The following COL5A1 variants were observed in gnomAD, a reference collection of about 807,000 sequenced individuals.
COL5A1 encodes the protein collagen alpha-1(V) chain.
A neutral mutation model predicts 263.7 loss-of-function variants in COL5A1; 16 were observed. That is an observed-to-expected ratio of 0.06 (90% CI 0.04 to 0.09). The LOEUF (loss-of-function observed/expected upper bound fraction) is 0.09. Ranked by LOEUF, COL5A1 falls within the 10% of genes least tolerant of loss-of-function variation. The probability of loss-of-function intolerance (pLI) is 1.00; values close to 1 mark genes in which losing one functional copy is unlikely to be tolerated. For missense variants in COL5A1, 2,036 were observed against 2,540.5 expected (o/e 0.80, Z 4.27); for synonymous variants, 1,012 against 1,004.5 (o/e 1.01, Z -0.14).
intron 1 of COL5A1, among the ~76,000 whole-genome samples, chr9:134,668,987 C>CCATA (rs1163379911): frequency 7.2e-6 from 1 of 139,084 alleles, no homozygotes; most frequent in Non-Finnish European, 1.5e-5. Flanking sequence ...ATCCATCCAT[C>CCATA]CACCCACCCA....
intron 1 of COL5A1, among the ~76,000 whole-genome samples, chr9:134,658,487 T>G (rs1390699691): frequency 6.6e-6 from 1 of 152,142 alleles, no homozygotes; most frequent in Non-Finnish European, 1.5e-5. Context: ...GCTGGGCCTG[T>G]CCTTGCACGC....
intron 2 of COL5A1, among the ~76,000 whole-genome samples, chr9:134,693,943 C>T (rs138750551): frequency 1.1e-3 from 172 of 152,278 alleles, no homozygotes; most frequent in Middle Eastern, 6.8e-3. Flanking sequence ...TGCCCTGTCT[C>T]GGGGAGCAGC....
intron 2 of COL5A1, among the ~76,000 whole-genome samples, chr9:134,693,430 T>G (rs1341045340): frequency 1.3e-5 from 2 of 152,166 alleles, no homozygotes; most frequent in African/African-American, 4.8e-5. Flanking sequence ...TTTTCCAAAG[T>G]GCTTCACTTG....
At chr9:134,703,139 C>T (rs982994237) in intron 4 of COL5A1, among the ~76,000 whole-genome samples, 2 of 152,210 alleles carry the variant, frequency 1.3e-5, no homozygotes, top group Admixed American at 6.5e-5. Context: ...GCTGAACGTG[C>T]AGTTGGCTCT....
At chr9:134,762,523 C>T (rs1836493360) in intron 19 of COL5A1, among the ~76,000 whole-genome samples, 1 of 152,174 alleles carries the variant, frequency 6.6e-6, no homozygotes, top group Non-Finnish European at 1.5e-5. Context: ...GGTCTGGTAT[C>T]TGCCACGCCG....
At chr9:134,739,139 C>T (rs1353352004) in intron 11 of COL5A1, among the ~76,000 whole-genome samples, 2 of 152,232 alleles carry the variant, frequency 1.3e-5, no homozygotes, top group Non-Finnish European at 2.9e-5. Context: ...TCCCACTCCT[C>T]GCCCCTGGGC....
At chr9:134,834,611 CTG>C (rs1273325213) in intron 64 of COL5A1, among the ~76,000 whole-genome samples, 1 of 152,204 alleles carries the variant, frequency 6.6e-6, no homozygotes, top group African/African-American at 2.4e-5. Flanking sequence ...AAGACAGACA[CTG>C]TGACAAACTA....
intron 17 of COL5A1, among the ~76,000 whole-genome samples, 178 bp downstream of exon 17, chr9:134,756,996 A>C (rs1421819430): frequency 6.6e-6 from 1 of 152,132 alleles, no homozygotes; most frequent in African/African-American, 2.4e-5. Flanking sequence ...CAAGCGTGAC[A>C]GTTGCAGTTC....
At chr9:134,835,356 A>C in intron 65 of COL5A1, 152 bp downstream of exon 65, 2 of 686,492 alleles carry the variant, frequency 2.9e-6, no homozygotes, top group Non-Finnish European at 5.0e-6. Flanking sequence ...CCACAGTTGC[A>C]GGGAGACTAG....
chr9:134,776,530 G>T (rs1837057394), intron 27 of COL5A1, among the ~76,000 whole-genome samples: 1 of 152,214 alleles, frequency 6.6e-6, no homozygotes, highest in South Asian at 2.1e-4. Context: ...TCATACTCCT[G>T]TGCATTTGGA....
rs1424279270 is a variant in COL5A1, at chr9:134,841,902, C to T, written c.5371-255C>T. Among the ~76,000 whole-genome samples, 1 of 152,106 alleles carries T rather than the reference C, an allele frequency of 6.6e-6. No homozygotes were observed. Among genetic ancestry groups the T allele is most frequent in the Admixed American group, 6.5e-5 (1 of 15,286 alleles). On this transcript the variant is annotated intron_variant, in intron 65 of 65. Transcript: ENST00000371817. The surrounding 1 kb of genome is among the most constrained non-coding windows in gnomAD (Gnocchi z 4.8). ...GCCACCCCTGAAGCCTTGGGAGGGT[C>T]CTGTCGCCTCGCTGATGCCCACACC...
Position 134,789,146 on chromosome 9 carries a change from C to G in COL5A1, c.2647-9C>G, listed in dbSNP as rs757930358. On this transcript the variant is annotated splice_polypyrimidine_tract_variant and intron_variant, in intron 31 of 65. Transcript: ENST00000371817. The surrounding 1 kb of genome is among the most constrained non-coding windows in gnomAD (Gnocchi z 4.8). ...AGCTCTGATGCCTCCTCCTTAAACT[C>G]TCTTTCAGGGCTCTATTGGATTCCC... 6.2e-7 allele frequency: 1 copy of G among 1,612,864 alleles called. No homozygotes were observed. The highest frequency in any genetic ancestry group is 8.5e-7 in the Non-Finnish European group (1 of 1,179,768).
intron 1 of COL5A1, among the ~76,000 whole-genome samples, chr9:134,663,572 T>A (rs1316809207): frequency 6.6e-6 from 1 of 152,254 alleles, no homozygotes; most frequent in Non-Finnish European, 1.5e-5. Flanking sequence ...TACATTTCAT[T>A]ATAGTCATTT....
In COL5A1 at chr9:134,696,407, C is replaced by T. The variant is rs1833470615; in HGVS notation, c.278-3502C>T. Among the ~76,000 whole-genome samples the T allele has an allele frequency of 6.6e-6, 1 of 152,118 alleles. No individual in the cohort carries two copies. ...GGCCAGGCTGGTGTGGAACTCCTGA[C>T]CTCAAGTGATCCTCCTGCCTTGGCC... On this transcript the variant is annotated intron_variant, in intron 2 of 65. Transcript: ENST00000371817. This position sits in a 1 kb window ranked among gnomAD's most constrained non-coding sequence, Gnocchi z 4.3.
At chr9:134,838,921 C>T (rs1002035817) in intron 65 of COL5A1, among the ~76,000 whole-genome samples, 4 of 152,326 alleles carry the variant, frequency 2.6e-5, no homozygotes, top group East Asian at 1.9e-4. Context: ...CATGCAGGGA[C>T]GCTGGCCCGG....
chr9:134,834,121 A>G (rs1839758185), intron 64 of COL5A1, among the ~76,000 whole-genome samples: 1 of 152,080 alleles, frequency 6.6e-6, no homozygotes, highest in Non-Finnish European at 1.5e-5. Context: ...AGTGTGGTGC[A>G]GCTGGGAGGG....
chr9:134,808,589 TCA>T (rs1312788087), intron 42 of COL5A1, among the ~76,000 whole-genome samples: 1 of 150,846 alleles, frequency 6.6e-6, no homozygotes, highest in South Asian at 2.1e-4. Flanking sequence ...TGGTGCATAT[TCA>T]CACGTGTGCA....
intron 37 of COL5A1, among the ~76,000 whole-genome samples, chr9:134,801,137 C>T (rs1327718717): frequency 3.3e-5 from 5 of 152,260 alleles, no homozygotes; most frequent in East Asian, 1.9e-4. Flanking sequence ...TCGTTATCTA[C>T]GCGTGAGCAT....
At chr9:134,808,647 T>C (rs1412033878) in intron 42 of COL5A1, among the ~76,000 whole-genome samples, 3 of 152,256 alleles carry the variant, frequency 2.0e-5, no homozygotes, top group Non-Finnish European at 2.9e-5. Flanking sequence ...CATGCATGCA[T>C]ACCTGTGTAC....
Sources: allele counts gnomAD v4.1 joint callset (sites outside exome capture counted in the v4.1 genomes callset), GRCh38; gene constraint gnomAD v4.1.1; non-coding constraint Gnocchi (gnomAD v3.1); transcripts MANE v1.5; gene names NCBI Gene and HGNC (gene_info 2026-07-23, HGNC 2026-07-21).